Variants in UNC13B observed in about 807,000 individuals in gnomAD.
The protein encoded by UNC13B is protein unc-13 homolog B.
UNC13B carries 144 observed loss-of-function variants against 211.0 expected under a neutral mutation model. The ratio of observed to expected loss-of-function variants is 0.68; its 90% CI spans 0.60 to 0.78. The LOEUF (loss-of-function observed/expected upper bound fraction) is 0.78, where lower values mean the gene tolerates loss of function less well. Among genes scored for constraint, UNC13B ranks in the 30% least tolerant of loss-of-function variants. The pLI, the probability that UNC13B is intolerant of heterozygous loss-of-function variation, is 0.00. For missense variants in UNC13B, 1,777 were observed against 2,002.0 expected (o/e 0.89, Z 2.14); for synonymous variants, 709 against 725.8 (o/e 0.98, Z 0.37).
chr9:35,256,545 A>G (rs1464090095), intron 6 of UNC13B, among the ~76,000 whole-genome samples: 1 of 152,102 alleles, frequency 6.6e-6, no homozygotes, highest in Non-Finnish European at 1.5e-5. Flanking sequence ...TGTCATGAAA[A>G]AGTATGGGGT....
At chr9:35,354,581 C>T (rs1234371846) in intron 11 of UNC13B, among the ~76,000 whole-genome samples, 1 of 152,164 alleles carries the variant, frequency 6.6e-6, no homozygotes, top group African/African-American at 2.4e-5. Flanking sequence ...TTTTTCTAGG[C>T]AGTTTGGAGA....
chr9:35,348,702 C>T (rs1266483556), intron 11 of UNC13B, among the ~76,000 whole-genome samples: 1 of 152,166 alleles, frequency 6.6e-6, no homozygotes, highest in Non-Finnish European at 1.5e-5. Flanking sequence ...AAGTACAGTT[C>T]TCTCATTTTA....
At chr9:35,260,053 A>AAAC (rs1028566121) in intron 7 of UNC13B, among the ~76,000 whole-genome samples, 8 of 149,120 alleles carry the variant, frequency 5.4e-5, no homozygotes, top group Non-Finnish European at 1.0e-4. Flanking sequence ...AAAAAAAAAA[A>AAAC]AAAAAAAAAA....
At chr9:35,162,803 T>C (rs112259072) in intron 1 of UNC13B, among the ~76,000 whole-genome samples, 2 of 152,212 alleles carry the variant, frequency 1.3e-5, no homozygotes, top group Non-Finnish European at 2.9e-5. Context: ...ACCGGTAGTA[T>C]AGGCTAAGAT....
intron 1 of UNC13B, among the ~76,000 whole-genome samples, chr9:35,189,950 C>T (rs1371065454): frequency 1.3e-5 from 2 of 152,170 alleles, no homozygotes; most frequent in African/African-American, 2.4e-5. Flanking sequence ...AGATTACAGA[C>T]GTGAGCCACC....
At chr9:35,240,095 A>G (rs1367747303) in intron 5 of UNC13B, among the ~76,000 whole-genome samples, 1 of 152,200 alleles carries the variant, frequency 6.6e-6, no homozygotes, top group Non-Finnish European at 1.5e-5. Flanking sequence ...TTCACAATTT[A>G]TGTTCAGAGA....
chr9:35,254,526 G>T (rs1028192129), intron 6 of UNC13B, among the ~76,000 whole-genome samples: 1 of 152,106 alleles, frequency 6.6e-6, no homozygotes, highest in Non-Finnish European at 1.5e-5. Context: ...TTTTGGTGGG[G>T]GCAGGGGTGG....
chr9:35,289,754 A>G (rs1828991410), intron 7 of UNC13B, among the ~76,000 whole-genome samples: 1 of 152,160 alleles, frequency 6.6e-6, no homozygotes, highest in Non-Finnish European at 1.5e-5. Context: ...AGGCGGGTGG[A>G]TCACTGGAGG....
chr9:35,351,620 A>T (rs1832723991), intron 11 of UNC13B: 1 of 1,232,118 alleles, frequency 8.1e-7, no homozygotes. Flanking sequence ...GGCAGAGACC[A>T]TGTGTGGCAC....
At chr9:35,219,619 A>C (rs1350119622) in intron 1 of UNC13B, among the ~76,000 whole-genome samples, 1 of 145,394 alleles carries the variant, frequency 6.9e-6, no homozygotes, top group African/African-American at 2.5e-5. Context: ...CCTGTGTCCA[A>C]AAAAAAAAAA....
chr9:35,303,623 C>T lies in UNC13B; in HGVS notation c.4219C>T (p.Gln1407Ter), dbSNP rs961122862. The change falls in exon 9 of 40, where the codon CAA becomes TAA. Residue 1407 changes from glutamine to a stop codon, truncating the protein, a stop_gained. Transcript: ENST00000635942. LOFTEE classifies it high-confidence loss of function. ...AGTGATAAATTTTTGCCAAAAAGAT[C>T]AAAATGCAAACATCTTGGAGTGGAG... ...NSVINFCQKD[Q>*]NANILEWRTN... 2.5e-6 allele frequency: 1 copy of T among 398,702 alleles called. No homozygotes were observed. The allele number at this position is 398,702 out of a possible 1,614,324, so 24.7% of individuals were successfully genotyped here.
At position 35,397,306 on chromosome 9, in the gene UNC13B, C is replaced by T. The variant is rs777542703; in HGVS notation, c.11672C>T (p.Ala3891Val). Residue 3891 changes from alanine to valine, a missense_variant, in exon 29 of 40, where the codon GCT (alanine) becomes GTT (valine). Transcript: ENST00000635942. ...SILAHYMRRF[A>V]KTIGKVLMQY... The stretch of plus-strand genomic sequence containing the variant: ...CTTGCCCACTACATGAGGAGGTTTG[C>T]TAAGGTGACCATAACTCTTCCTACT... 6.2e-7 allele frequency: 1 copy of T among 1,613,898 alleles called. No individual in the cohort carries two copies.
In UNC13B at chr9:35,399,458, G is replaced by A. The variant is rs1243286947; in HGVS notation, c.12255+10G>A. 1.9e-6 allele frequency: 3 copies of A among 1,614,132 alleles called. No individual in the cohort carries two copies. Among genetic ancestry groups the A allele is most frequent in the Non-Finnish European group, 2.5e-6 (3 of 1,180,024 alleles). ...TCTTTCCAAACTCAAGGTACTCTGG[G>A]TGTGGGGTCCTCCTGGCAGGTGTGG... On this transcript the variant is annotated intron_variant, in intron 35 of 39. Transcript: ENST00000635942.
intron 5 of UNC13B, among the ~76,000 whole-genome samples, chr9:35,239,926 A>C (rs547224830): frequency 6.6e-6 from 1 of 152,218 alleles, no homozygotes; most frequent in African/African-American, 2.4e-5. Context: ...CAGATTTCAT[A>C]TTATTTAAAC....
Position 35,301,250 on chromosome 9 carries a change from ACCT to A in UNC13B, c.1848_1850del (p.Ser617del). 1 of 398,764 alleles carries A rather than the reference ACCT, an allele frequency of 2.5e-6. No individual in the cohort carries two copies. 24.7% of individuals were successfully genotyped at this position (398,764 alleles called of 1,614,324 possible). A position where few individuals can be genotyped will look rare whatever the true frequency, so the allele number is the denominator to read the frequency against. On this transcript the variant is annotated inframe_deletion, in exon 9 of 40. Coordinates refer to ENST00000635942, the MANE Select transcript of UNC13B (RefSeq NM_001371189.2). ...TGTGAATATAGACAGACATAGAAAA[ACCT>A]CTGAAAATGAGCACATGGGTAATAA...
In UNC13B at chr9:35,301,817, G is replaced by T; in HGVS notation, c.2413G>T (p.Asp805Tyr). 2.5e-6 allele frequency: 1 copy of T among 398,850 alleles called. No homozygotes were observed. Among genetic ancestry groups the T allele is most frequent in the South Asian group, 1.3e-4 (1 of 7,840 alleles). The allele number at this position is 398,850 out of a possible 1,614,324, so 24.7% of individuals were successfully genotyped here. ...GGAGGACAAAGTTACAGGTAATGAT[G>T]ATTTCCTTGAGCCACTCAGAAAATC... ...LEEDKVTGND[D>Y]FLEPLRKSFS... Residue 805 changes from aspartate to tyrosine, a missense_variant, in exon 9 of 40, where the codon GAT becomes TAT. Asp to Tyr is a radical substitution (Grantham distance 160). Transcript: ENST00000635942.
intron 11 of UNC13B, among the ~76,000 whole-genome samples, chr9:35,322,482 A>G (rs16932337): frequency 0.031 from 4,780 of 152,170 alleles, 241 homozygotes; most frequent in African/African-American, 0.11. Context: ...CAGAGACAGA[A>G]CAGCAAATAG....
chr9:35,209,043 C>G (rs1441778210), intron 1 of UNC13B, among the ~76,000 whole-genome samples: 1 of 152,076 alleles, frequency 6.6e-6, no homozygotes, highest in African/African-American at 2.4e-5. Context: ...TCACATTATG[C>G]TTTCCTTTCC....
In UNC13B at chr9:35,302,037, TAAAAG is replaced by T. The variant is rs1377441413; in HGVS notation, c.2635_2639del (p.Lys879GlufsTer9). On this transcript the variant is annotated frameshift_variant, in exon 9 of 40. Coordinates refer to ENST00000635942, the MANE Select transcript of UNC13B (RefSeq NM_001371189.2). LOFTEE classifies it high-confidence loss of function. ...GGTCATTCTGAAAAGCAACAGGAGT[TAAAAG>T]AGAAAGGAAGCATTTTTCCTTTGTT... 1 of 398,660 alleles carries T rather than the reference TAAAAG, an allele frequency of 2.5e-6. No individual in the cohort carries two copies. Among genetic ancestry groups the T allele is most frequent in the Non-Finnish European group, 4.4e-6 (1 of 225,860 alleles). The allele number at this position is 398,660 out of a possible 1,614,324, so 24.7% of individuals were successfully genotyped here. A position where few individuals can be genotyped will look rare whatever the true frequency, so the allele number is the denominator to read the frequency against.
Sources: gnomAD v4.1 joint callset for allele counts (sites outside exome capture counted in the v4.1 genomes callset) on GRCh38, gnomAD v4.1.1 for gene constraint, MANE v1.5 for transcripts, NCBI Gene and HGNC (gene_info 2026-07-23, HGNC 2026-07-21) for gene names.